The following CACNA2D3 variants were observed in gnomAD, a reference collection of about 807,000 sequenced individuals.
CACNA2D3 encodes voltage-dependent calcium channel subunit alpha-2/delta-3.
Under a neutral mutation model 160.6 loss-of-function variants are expected in CACNA2D3, and 60 were observed. The observed-to-expected ratio is 0.37, with a 90% CI of 0.30 to 0.46. CACNA2D3 has a LOEUF of 0.46. Ranked by LOEUF, CACNA2D3 falls within the 20% of genes least tolerant of loss-of-function variation. The pLI is 1.00. For missense variants in CACNA2D3, 1,205 were observed against 1,365.0 expected, an observed-to-expected ratio of 0.88 and a Z score of 1.85; for synonymous variants, 558 against 492.9, an observed-to-expected ratio of 1.13 and a Z score of -1.75.
At chr3:54,250,948 A>C (rs1702177407) in intron 2 of CACNA2D3, among the ~76,000 whole-genome samples, 1 of 152,122 alleles carries the variant, frequency 6.6e-6, no homozygotes, top group African/African-American at 2.4e-5. Context: ...TTTGAAGGCC[A>C]ATGACAGGAA....
At chr3:54,933,909 C>T (rs1701268016) in intron 27 of CACNA2D3, among the ~76,000 whole-genome samples, 1 of 151,996 alleles carries the variant, frequency 6.6e-6, no homozygotes, top group Non-Finnish European at 1.5e-5. Context: ...GCTGGGATTA[C>T]AGGCACACAC....
intron 3 of CACNA2D3, among the ~76,000 whole-genome samples, chr3:54,332,588 G>C (rs1337229805): frequency 6.6e-6 from 1 of 152,216 alleles, no homozygotes; most frequent in Non-Finnish European, 1.5e-5. Context: ...TTGGACTGGG[G>C]AGTGATGCTT....
At chr3:54,523,958 C>T (rs1413722401) in intron 5 of CACNA2D3, among the ~76,000 whole-genome samples, 4 of 151,744 alleles carry the variant, frequency 2.6e-5, no homozygotes, top group Admixed American at 6.6e-5. Context: ...CTTTTGGTTT[C>T]GTTGATTTTC....
chr3:54,533,759 T>G (rs1701841911), intron 5 of CACNA2D3, among the ~76,000 whole-genome samples: 1 of 151,780 alleles, frequency 6.6e-6, no homozygotes, highest in African/African-American at 2.4e-5. Context: ...TCATGGTGTG[T>G]GCAGTTTGTC....
At chr3:54,724,758 C>G (rs1401250104) in intron 11 of CACNA2D3, among the ~76,000 whole-genome samples, 5 of 152,146 alleles carry the variant, frequency 3.3e-5, no homozygotes. Context: ...ATTTCTGGGA[C>G]ACATTTAAAG....
Position 54,701,177 on chromosome 3 carries a change from A to G in CACNA2D3, c.1168-51422A>G, listed in dbSNP as rs531011736. Among the ~76,000 whole-genome samples, 12 of 152,346 alleles carry G rather than the reference A, an allele frequency of 7.9e-5. No homozygotes were observed. The South Asian group carries it at 1.4e-3, about 18-fold the overall frequency. ...GGCTTTACAAGTCATCTCTAATCCT[A>G]TAATTTGTCTTTATTTCTACCAACT... On this transcript the variant is annotated intron_variant, in intron 11 of 37. Transcript: ENST00000474759.
At chr3:54,339,276 A>C (rs1216137520) in intron 3 of CACNA2D3, among the ~76,000 whole-genome samples, 1 of 151,990 alleles carries the variant, frequency 6.6e-6, no homozygotes, top group African/African-American at 2.4e-5. Flanking sequence ...TCTTCACCAA[A>C]ATCTGGTCTC....
intron 24 of CACNA2D3, 45 bp downstream of exon 24, chr3:54,888,097 A>G: frequency 7.4e-7 from 1 of 1,346,174 alleles, no homozygotes; most frequent in South Asian, 1.2e-5. Flanking sequence ...TTTCCTCACC[A>G]ACACTCCGAA....
intron 2 of CACNA2D3, among the ~76,000 whole-genome samples, chr3:54,260,040 G>T (rs1418947390): frequency 6.6e-6 from 1 of 152,196 alleles, no homozygotes; most frequent in African/African-American, 2.4e-5. Flanking sequence ...ACCAAACAGT[G>T]TTTGATGTTT....
At chr3:54,603,451 G>T (rs971039956) in intron 9 of CACNA2D3, among the ~76,000 whole-genome samples, 1 of 152,220 alleles carries the variant, frequency 6.6e-6, no homozygotes, top group African/African-American at 2.4e-5. Context: ...GCTCCCAGAA[G>T]ACAAGTCCTG....
At chr3:54,846,538 A>C in intron 17 of CACNA2D3, 71 bp downstream of exon 17, 1 of 959,166 alleles carries the variant, frequency 1.0e-6, no homozygotes, top group Non-Finnish European at 1.6e-6. Flanking sequence ...TTCAACAGTG[A>C]TGACACTTTG....
intron 11 of CACNA2D3, among the ~76,000 whole-genome samples, chr3:54,664,550 C>T (rs372624755): frequency 1.1e-4 from 17 of 152,318 alleles, no homozygotes; most frequent in African/African-American, 4.1e-4. Context: ...GGAAATGTCA[C>T]ATTTTATTTT....
Position 54,636,542 on chromosome 3 carries a change from C to T in CACNA2D3, c.1054-5586C>T, listed in dbSNP as rs539807203. Among the ~76,000 whole-genome samples the T allele has an allele frequency of 5.7e-4, 87 of 152,036 alleles. 1 individual carries two copies. Among genetic ancestry groups the T allele is most frequent in the African/African-American group, 1.8e-3 (73 of 41,326 alleles). Reference sequence around the variant, plus strand: ...GAGCATAGTTTGTGATTTTTAGGGCCTCTAAAAGTATTAAAGCAGCGGCAG... The same window carrying T: ...GAGCATAGTTTGTGATTTTTAGGGCTTCTAAAAGTATTAAAGCAGCGGCAG... On this transcript the variant is annotated intron_variant, in intron 10 of 37. Coordinates refer to ENST00000474759, the MANE Select transcript of CACNA2D3 (RefSeq NM_018398.3).
chr3:54,463,499 C>T (rs1021777496), intron 4 of CACNA2D3, among the ~76,000 whole-genome samples: 12 of 152,138 alleles, frequency 7.9e-5, no homozygotes, highest in African/African-American at 2.9e-4. Flanking sequence ...CTGTAAACTT[C>T]TCATCTTGCT....
intron 6 of CACNA2D3, among the ~76,000 whole-genome samples, chr3:54,564,169 G>A (rs548483697): frequency 6.6e-6 from 1 of 152,282 alleles, no homozygotes; most frequent in African/African-American, 2.4e-5. Flanking sequence ...GTCTCGCTAT[G>A]CGGCACTGTG....
chr3:54,791,503 TTATG>T (rs1438594523), intron 13 of CACNA2D3, among the ~76,000 whole-genome samples: 1 of 152,230 alleles, frequency 6.6e-6, no homozygotes, highest in African/African-American at 2.4e-5. Flanking sequence ...AATTAATTAT[TTATG>T]ACTCTAGCTT....
intron 2 of CACNA2D3, among the ~76,000 whole-genome samples, chr3:54,125,657 C>T (rs1699577316): frequency 6.6e-6 from 1 of 152,074 alleles, no homozygotes; most frequent in African/African-American, 2.4e-5. Flanking sequence ...TGTTAGACAA[C>T]TTGGGGAGCA....
intron 13 of CACNA2D3, among the ~76,000 whole-genome samples, chr3:54,773,936 ATTG>A (rs1702368830): frequency 6.6e-6 from 1 of 152,164 alleles, no homozygotes. Context: ...TCAGGTGTTT[ATTG>A]TTGTTTCTGC....
chr3:55,037,962 G>T (rs987053034), intron 35 of CACNA2D3, among the ~76,000 whole-genome samples: 1 of 152,236 alleles, frequency 6.6e-6, no homozygotes, highest in Non-Finnish European at 1.5e-5. Flanking sequence ...ATAAACTGGG[G>T]TCTTGTCCTT....
Sources: allele counts gnomAD v4.1 joint callset (sites outside exome capture counted in the v4.1 genomes callset), GRCh38; gene constraint gnomAD v4.1.1; transcripts MANE v1.5; gene names NCBI Gene and HGNC (gene_info 2026-07-23, HGNC 2026-07-21).